Variants in FRMD1 observed in about 807,000 individuals in gnomAD.
FRMD1 encodes the protein FERM domain-containing protein 1.
Under a neutral mutation model 54.9 loss-of-function variants are expected in FRMD1, and 51 were observed. That is an observed-to-expected ratio of 0.93 (90% CI 0.74 to 1.17). The LOEUF (loss-of-function observed/expected upper bound fraction) is 1.17. FRMD1 is among the 50% of genes most tolerant of loss of function. FRMD1 has a pLI of 0.00. For missense variants in FRMD1, 729 were observed against 743.0 expected (o/e 0.98, Z 0.22); for synonymous variants, 324 against 306.4 (o/e 1.06, Z -0.60).
intron 1 of FRMD1, 75 bp from the exon 2 acceptor site, chr6:168,075,410 C>A (rs1005725871): frequency 8.3e-7 from 1 of 1,200,382 alleles, no homozygotes; most frequent in Non-Finnish European, 1.2e-6. Context: ...GCAAACGAGG[C>A]CCAGCGGGGC....
intron 9 of FRMD1, 81 bp downstream of exon 9, chr6:168,060,680 C>T: frequency 2.8e-6 from 4 of 1,431,878 alleles, no homozygotes; most frequent in East Asian, 2.4e-5. Context: ...TTTGCTGCCT[C>T]GGTGTCCAGG....
intron 1 of FRMD1, among the ~76,000 whole-genome samples, chr6:168,076,066 C>T (rs1292122288): frequency 6.6e-6 from 1 of 152,240 alleles, no homozygotes; most frequent in Non-Finnish European, 1.5e-5. Flanking sequence ...TTCCTGAGTC[C>T]TGTCTGTTGC....
upstream of FRMD1, chr6:168,081,525 CG>C: frequency 6.6e-7 from 1 of 1,521,848 alleles, no homozygotes; most frequent in Non-Finnish European, 8.8e-7. Context: ...TTCTTCTGGA[CG>C]GCTGGTTTCC....
chr6:168,057,750 A>ACCG, intron 10 of FRMD1: 1 of 194,394 alleles, frequency 5.1e-6, no homozygotes, highest in South Asian at 9.0e-5. Flanking sequence ...GTGACTGTCC[A>ACCG]AGGTCCCGTC....
chr6:168,091,049 GT>G (rs1417042847), intron 1 of FRMD1, among the ~76,000 whole-genome samples: 2 of 152,328 alleles, frequency 1.3e-5, no homozygotes, highest in East Asian at 3.9e-4. Context: ...GAAGGTGCCT[GT>G]AAACTATGGG....
At chr6:168,075,830 C>T (rs1800564892) in intron 1 of FRMD1, 12 of 1,541,274 alleles carry the variant, frequency 7.8e-6, no homozygotes, top group South Asian at 2.4e-5. Flanking sequence ...GCGTCTGGTG[C>T]GTGTCCCTGT....
intron 2 of FRMD1, among the ~76,000 whole-genome samples, chr6:168,072,777 G>T (rs1220982401): frequency 6.6e-6 from 1 of 152,072 alleles, no homozygotes; most frequent in Admixed American, 6.5e-5. Context: ...GGGTTGGGAC[G>T]CTTGAACTTT....
At chr6:168,092,581 C>A (rs114371496) in intron 1 of FRMD1, among the ~76,000 whole-genome samples, 3,014 of 152,108 alleles carry the variant, frequency 0.02, 108 homozygotes, top group African/African-American at 0.069. Flanking sequence ...CCAGAGAGAC[C>A]CTCCACCCCT....
chr6:168,061,957 C>G lies in FRMD1; in HGVS notation c.895G>C (p.Asp299His). The G allele has an allele frequency of 1.3e-6, 2 of 1,597,704 alleles. No individual in the cohort carries two copies. The highest frequency in any genetic ancestry group is 1.7e-6 in the Non-Finnish European group (2 of 1,172,920). The part of the protein sequence containing the change: ...YQGKKLEIQL[D>H]GLPAAQKLVY... ...AGCTTCTGTGCTGCGGGCAGCCCATCCAGCTGGATCTCCAGCTTCTTTCCC... is the reference window on the plus strand; with the variant it reads ...AGCTTCTGTGCTGCGGGCAGCCCATGCAGCTGGATCTCCAGCTTCTTTCCC... Residue 299 changes from aspartate (D) to histidine (H), a missense_variant, in exon 8 of 11, where the codon GAT becomes CAT. Coordinates refer to ENST00000283309, the MANE Select transcript of FRMD1 (RefSeq NM_024919.6).
upstream of FRMD1, among the ~76,000 whole-genome samples, chr6:168,080,104 G>T (rs904236705): frequency 4.6e-5 from 7 of 152,158 alleles, no homozygotes; most frequent in Non-Finnish European, 8.8e-5. Context: ...TGGACCTCCG[G>T]ACGGGCCGTT....
Position 168,064,945 on chromosome 6 carries a change from C to A in FRMD1, c.574G>T (p.Ala192Ser). 1 of 1,611,340 alleles carries A rather than the reference C, an allele frequency of 6.2e-7. No homozygotes were observed. The change falls in exon 5 of 11, where the codon GCT (alanine) becomes TCT (serine). Residue 192 changes from alanine (A) to serine (S), a missense_variant. Transcript: ENST00000283309. ...GACTCCCGGTGCTCGCCCAGGTCAGCCTGCAGCGCGCAGGCAGCCAGCAGG... is the reference window on the plus strand; with the variant it reads ...GACTCCCGGTGCTCGCCCAGGTCAGACTGCAGCGCGCAGGCAGCCAGCAGG... The part of the protein sequence containing the change: ...YFLLAACALQ[A>S]DLGEHRESAH...
intron 1 of FRMD1, 86 bp downstream of exon 1, chr6:168,078,796 G>GAGCCCTGCTCACCCCCACGGCCACCCGGA: frequency 1.0e-5 from 3 of 293,778 alleles, no homozygotes; most frequent in South Asian, 5.1e-5. Context: ...GGCCACCCAG[G>GAGCCCTGCTCACCCCCACGGCCACCCGGA]GCCCTGCTCA....
chr6:168,066,017 A>T, intron 4 of FRMD1: 1 of 1,000,136 alleles, frequency 1.0e-6, no homozygotes, highest in Non-Finnish European at 1.2e-6. Context: ...AGTGCAGCCC[A>T]CCAGATGTAC....
chr6:168,064,197 G>A (rs1799906995), intron 5 of FRMD1, among the ~76,000 whole-genome samples: 1 of 152,212 alleles, frequency 6.6e-6, no homozygotes, highest in Admixed American at 6.5e-5. Flanking sequence ...AGCCTGGCTG[G>A]GCCCCACCCT....
At chr6:168,088,933 G>GTGTCCGTGT (rs1452669323) in intron 1 of FRMD1, among the ~76,000 whole-genome samples, 1 of 81,412 alleles carries the variant, frequency 1.2e-5, no homozygotes, top group Non-Finnish European at 2.8e-5. Flanking sequence ...CCCACTCCTT[G>GTGTCCGTGT]GGCCTGCTCT....
chr6:168,062,182 T>A (rs1344760096), intron 7 of FRMD1, among the ~76,000 whole-genome samples: 1 of 152,222 alleles, frequency 6.6e-6, no homozygotes, highest in Non-Finnish European at 1.5e-5. Flanking sequence ...ACAGCCCTCC[T>A]GGCTAGAAAG....
At chr6:168,058,858 C>T (rs1448425603) in intron 10 of FRMD1, among the ~76,000 whole-genome samples, 5 of 152,224 alleles carry the variant, frequency 3.3e-5, no homozygotes, top group Middle Eastern at 3.4e-3. Context: ...ACTCAGGGCC[C>T]GGCCACCCCA....
Position 168,060,949 on chromosome 6 carries a change from A to AGGCAGTGGG in FRMD1, c.1145_1153dup (p.Pro382_Cys384dup). The AGGCAGTGGG allele has an allele frequency of 6.2e-7, 1 of 1,613,422 alleles. No individual in the cohort carries two copies. The highest frequency in any genetic ancestry group is 8.5e-7 in the Non-Finnish European group (1 of 1,180,014). ...GTGGCTGTCGGCGGAGTGGCGTGAG[A>AGGCAGTGGG]GGCAGTGGGGGCAGTGCTGGCTGCT... On this transcript the variant is annotated inframe_insertion, in exon 9 of 11. Coordinates refer to ENST00000283309, the MANE Select transcript of FRMD1 (RefSeq NM_024919.6).
chr6:168,088,948 C>T (rs778953429), intron 1 of FRMD1, among the ~76,000 whole-genome samples: 4 of 136,420 alleles, frequency 2.9e-5, no homozygotes, highest in Non-Finnish European at 6.5e-5. Flanking sequence ...TGCTCTCAGA[C>T]ACTGATCACA....
Sources: gnomAD v4.1 joint callset for allele counts (sites outside exome capture counted in the v4.1 genomes callset) on GRCh38, gnomAD v4.1.1 for gene constraint, MANE v1.5 for transcripts, NCBI Gene and HGNC (gene_info 2026-07-23, HGNC 2026-07-21) for gene names.